HMCN1: variants seen among roughly 807,000 people sequenced by gnomAD.
The protein encoded by HMCN1 is hemicentin 1, also known as hemicentin-1.
HMCN1 carries 321 observed loss-of-function variants against 625.9 expected under a neutral mutation model. The observed-to-expected ratio is 0.51, with a 90% CI of 0.47 to 0.56. HMCN1 has a LOEUF of 0.56. Ranked by LOEUF, HMCN1 falls within the 20% of genes least tolerant of loss-of-function variation. HMCN1 has a pLI of 0.00. For synonymous variants in HMCN1, 2,425 were observed against 2,417.6 expected, an observed-to-expected ratio of 1.00 and a Z score of -0.09; for missense variants, 6,588 against 6,887.3, an observed-to-expected ratio of 0.96 and a Z score of 1.54.
Position 186,048,723 on chromosome 1 carries a change from A to G in HMCN1, c.6481-20A>G, listed in dbSNP as rs768769934. On this transcript the variant is annotated intron_variant, in intron 41 of 106. Coordinates refer to ENST00000271588, the MANE Select transcript of HMCN1 (RefSeq NM_031935.3). ...AAGTGAAATAGAAAGTGTGATTTCA[A>G]AGGATGATTTTGTTTTCAGATTGAA... is the stretch of plus-strand genomic sequence containing the variant. The G allele has an allele frequency of 6.9e-7, 1 of 1,451,508 alleles. No individual in the cohort carries two copies. Among genetic ancestry groups the G allele is most frequent in the South Asian group, 1.1e-5 (1 of 87,786 alleles). The allele number at this position is 1,451,508 out of a possible 1,614,324, so 89.9% of individuals were successfully genotyped here. A position where few individuals can be genotyped will look rare whatever the true frequency, so the allele number is the denominator to read the frequency against.
At chr1:185,892,589 C>T (rs145815918) in intron 4 of HMCN1, among the ~76,000 whole-genome samples, 9,521 of 151,982 alleles carry the variant, frequency 0.063, 1,028 homozygotes, top group African/African-American at 0.22. Flanking sequence ...GTCAGTGTGC[C>T]CCTGCTGGAG....
chr1:186,139,991 TAAAA>T (rs944256925), intron 89 of HMCN1, among the ~76,000 whole-genome samples: 3 of 152,212 alleles, frequency 2.0e-5, no homozygotes, highest in East Asian at 3.9e-4. Context: ...ATGTTGAACT[TAAAA>T]AAGAGTTGCA....
At chr1:185,961,222 A>G (rs1649996565) in intron 11 of HMCN1, among the ~76,000 whole-genome samples, 1 of 152,198 alleles carries the variant, frequency 6.6e-6, no homozygotes, top group Non-Finnish European at 1.5e-5. Context: ...TACCATTTGT[A>G]TCTCTCACAT....
At chr1:185,736,031 A>G (rs1288148825) in intron 1 of HMCN1, among the ~76,000 whole-genome samples, 1 of 152,034 alleles carries the variant, frequency 6.6e-6, no homozygotes, top group African/African-American at 2.4e-5. Context: ...ACTTGACACA[A>G]CCTCTTCACA....
intron 1 of HMCN1, among the ~76,000 whole-genome samples, chr1:185,737,924 T>G (rs936621910): frequency 3.3e-5 from 5 of 152,112 alleles, no homozygotes; most frequent in African/African-American, 1.2e-4. Flanking sequence ...GGAGGCAGGG[T>G]GTCTAACAAG....
chr1:185,786,148 A>T (rs779326114), intron 1 of HMCN1, among the ~76,000 whole-genome samples: 2 of 152,238 alleles, frequency 1.3e-5, no homozygotes, highest in Non-Finnish European at 2.9e-5. Context: ...TTGTGATTTT[A>T]TAACATCATG....
intron 40 of HMCN1, 102 bp from the exon 41 acceptor site, chr1:186,045,586 A>T (rs927968695): frequency 2.2e-6 from 2 of 909,260 alleles, no homozygotes; most frequent in Non-Finnish European, 3.7e-6. Flanking sequence ...CTATATCTTT[A>T]AAAGAACCAA....
intron 34 of HMCN1, among the ~76,000 whole-genome samples, chr1:186,019,228 A>G (rs974695095): frequency 2.0e-5 from 3 of 152,020 alleles, no homozygotes; most frequent in Non-Finnish European, 4.4e-5. Flanking sequence ...AGTTCTAGAG[A>G]AAGGGAGGGT....
intron 48 of HMCN1, among the ~76,000 whole-genome samples, chr1:186,063,948 C>G (rs935719491): frequency 6.6e-6 from 1 of 152,030 alleles, no homozygotes; most frequent in Non-Finnish European, 1.5e-5. Flanking sequence ...GAAAGTAGCC[C>G]ATAACATTTT....
At chr1:186,068,653 G>A (rs1373875751) in intron 50 of HMCN1, among the ~76,000 whole-genome samples, 1 of 151,952 alleles carries the variant, frequency 6.6e-6, no homozygotes, top group African/African-American at 2.4e-5. Flanking sequence ...AGATCATGAG[G>A]TCAGGAGATT....
At chr1:185,829,956 G>A (rs1273990911) in intron 1 of HMCN1, among the ~76,000 whole-genome samples, 1 of 152,070 alleles carries the variant, frequency 6.6e-6, no homozygotes, top group Non-Finnish European at 1.5e-5. Context: ...GTGTGAGATG[G>A]TATCTCATTG....
At chr1:185,746,062 CTG>C (rs1262905717) in intron 1 of HMCN1, among the ~76,000 whole-genome samples, 1 of 152,178 alleles carries the variant, frequency 6.6e-6, no homozygotes, top group African/African-American at 2.4e-5. Flanking sequence ...GTTGTCAACT[CTG>C]TGCATTTATA....
intron 1 of HMCN1, among the ~76,000 whole-genome samples, chr1:185,755,906 G>T (rs1397653659): frequency 6.6e-6 from 1 of 152,044 alleles, no homozygotes; most frequent in East Asian, 1.9e-4. Context: ...CTTTCAACTT[G>T]GGGTCTCACT....
intron 1 of HMCN1, among the ~76,000 whole-genome samples, chr1:185,832,803 A>T (rs1571418218): frequency 6.6e-6 from 1 of 152,348 alleles, no homozygotes; most frequent in East Asian, 1.9e-4. Flanking sequence ...TGCATGGCCA[A>T]AATTGCTATA....
chr1:186,138,874 A>G (rs535272323), intron 89 of HMCN1, among the ~76,000 whole-genome samples: 1 of 152,328 alleles, frequency 6.6e-6, no homozygotes, highest in South Asian at 2.1e-4. Flanking sequence ...AATCATGCAA[A>G]GTGGAGGAGC....
chr1:185,841,016 A>G (rs992613515), intron 1 of HMCN1, among the ~76,000 whole-genome samples: 1 of 152,192 alleles, frequency 6.6e-6, no homozygotes, highest in African/African-American at 2.4e-5. Context: ...GGAAAGGAAA[A>G]AGGAAGTGAG....
At chr1:186,171,252 G>T in intron 100 of HMCN1, 85 bp from the exon 101 acceptor site, 1 of 978,658 alleles carries the variant, frequency 1.0e-6, no homozygotes, top group Non-Finnish European at 1.6e-6. Context: ...ACATGGTAAT[G>T]ATCAAGATCA....
chr1:186,170,297 G>A (rs1439863259), intron 100 of HMCN1, among the ~76,000 whole-genome samples: 4 of 152,038 alleles, frequency 2.6e-5, no homozygotes, highest in Admixed American at 6.6e-5. Flanking sequence ...ACCCTCTCCA[G>A]CAATTAATTC....
chr1:185,783,932 C>T (rs1219846984), intron 1 of HMCN1, among the ~76,000 whole-genome samples: 2 of 152,168 alleles, frequency 1.3e-5, no homozygotes, highest in South Asian at 2.1e-4. Context: ...TCAGCTATGC[C>T]CTGCCCCCAG....
Sources: gnomAD v4.1 joint callset for allele counts (sites outside exome capture counted in the v4.1 genomes callset) on GRCh38, gnomAD v4.1.1 for gene constraint, MANE v1.5 for transcripts, NCBI Gene and HGNC (gene_info 2026-07-23, HGNC 2026-07-21) for gene names.